The following HYAL4 variants were observed in gnomAD, a reference collection of about 807,000 sequenced individuals.
The protein encoded by HYAL4 is hyaluronidase-4.
Under a neutral mutation model 35.2 loss-of-function variants are expected in HYAL4, and 37 were observed. The ratio of observed to expected loss-of-function variants is 1.05; its 90% CI spans 0.81 to 1.38. The LOEUF is 1.38. HYAL4 is among the 40% of genes most tolerant of loss of function. HYAL4 has a pLI of 0.00. For synonymous variants in HYAL4, 198 were observed against 203.2 expected (o/e 0.97, Z 0.22); for missense variants, 572 against 572.4 (o/e 1.00, Z 0.01).
chr7:123,798,702 ATGTT>A, the HYAL4 span, among the ~76,000 whole-genome samples: 1 of 152,160 alleles, frequency 6.6e-6, no homozygotes, highest in Non-Finnish European at 1.5e-5. Context: ...GACTAATAGA[ATGTT>A]TGTGGATATA....
the HYAL4 span, among the ~76,000 whole-genome samples, chr7:123,768,842 C>T: frequency 3.3e-5 from 5 of 151,982 alleles, no homozygotes; most frequent in Non-Finnish European, 5.9e-5. Flanking sequence ...CCATTGGTTA[C>T]TTTTTTTTGC....
At chr7:123,769,809 T>G in the HYAL4 span, among the ~76,000 whole-genome samples, 2 of 142,386 alleles carry the variant, frequency 1.4e-5, no homozygotes, top group Non-Finnish European at 3.0e-5. Context: ...AATCTGTAAG[T>G]GAAAGAGACT....
chr7:123,850,724 C>T (rs563016740), intron 2 of HYAL4, among the ~76,000 whole-genome samples: 15 of 152,238 alleles, frequency 9.9e-5, no homozygotes, highest in Middle Eastern at 3.4e-3. Flanking sequence ...TCTCATTCTT[C>T]GAGGAGCAAT....
chr7:123,837,580 A>G (rs990829290), intron 1 of HYAL4, among the ~76,000 whole-genome samples: 1 of 151,960 alleles, frequency 6.6e-6, no homozygotes, highest in African/African-American at 2.4e-5. Flanking sequence ...CAACGTGCAA[A>G]TTAGTTACAT....
At chr7:123,864,067 G>C (rs1806635656) in intron 2 of HYAL4, among the ~76,000 whole-genome samples, 2 of 152,122 alleles carry the variant, frequency 1.3e-5, no homozygotes, top group African/African-American at 4.8e-5. Context: ...ACCTGAAATA[G>C]GCCCTGTCTG....
At chr7:123,825,622 A>G (rs528409509), upstream of HYAL4, among the ~76,000 whole-genome samples, 4 of 152,260 alleles carry the variant, frequency 2.6e-5, no homozygotes, top group Admixed American at 1.3e-4. Flanking sequence ...AGGGCTGACT[A>G]TGCCCCAAGA....
upstream of HYAL4, among the ~76,000 whole-genome samples, chr7:123,827,436 G>A (rs528132762): frequency 7.9e-5 from 12 of 152,124 alleles, no homozygotes; most frequent in Admixed American, 2.6e-4. Flanking sequence ...TTGCTTTTTC[G>A]TCCTTCCTCT....
chr7:123,855,555 G>GC (rs1251771913), intron 2 of HYAL4, among the ~76,000 whole-genome samples: 1 of 152,124 alleles, frequency 6.6e-6, no homozygotes, highest in African/African-American at 2.4e-5. Flanking sequence ...TAGGGTTTCT[G>GC]CCAAGAGATC....
chr7:123,787,795 C>A, the HYAL4 span, among the ~76,000 whole-genome samples: 1 of 152,122 alleles, frequency 6.6e-6, no homozygotes, highest in East Asian at 1.9e-4. Context: ...GCAGTGACAG[C>A]AAACTTCATC....
At chr7:123,799,399 G>A in the HYAL4 span, among the ~76,000 whole-genome samples, 1 of 147,548 alleles carries the variant, frequency 6.8e-6, no homozygotes, top group African/African-American at 2.5e-5. Flanking sequence ...TACTATGGAA[G>A]GTATTTTATA....
chr7:123,856,270 G>T (rs1421777832), intron 2 of HYAL4, among the ~76,000 whole-genome samples: 2 of 151,888 alleles, frequency 1.3e-5, no homozygotes, highest in Non-Finnish European at 2.9e-5. Flanking sequence ...TACTTTGGAG[G>T]CATTTTGGTT....
upstream of HYAL4, among the ~76,000 whole-genome samples, chr7:123,828,427 TACACACACAC>T (rs34327472): frequency 2.0e-4 from 28 of 141,412 alleles, no homozygotes; most frequent in South Asian, 7.1e-4. Context: ...TGTTCATAAT[TACACACACAC>T]ACACACACAC....
At chr7:123,802,788 T>A in the HYAL4 span, among the ~76,000 whole-genome samples, 9 of 152,170 alleles carry the variant, frequency 5.9e-5, no homozygotes, top group Non-Finnish European at 1.3e-4. Flanking sequence ...CTTAATAATT[T>A]TAAAAAGATG....
At chr7:123,792,710 A>T in the HYAL4 span, among the ~76,000 whole-genome samples, 1 of 152,080 alleles carries the variant, frequency 6.6e-6, no homozygotes, top group Admixed American at 6.5e-5. Context: ...TCCCTCTCTG[A>T]CTGGTAGGAA....
At chr7:123,838,467 A>C (rs555164509) in intron 1 of HYAL4, among the ~76,000 whole-genome samples, 6 of 152,154 alleles carry the variant, frequency 3.9e-5, no homozygotes, top group African/African-American at 1.4e-4. Context: ...AAATGGTTCT[A>C]CCATTATACT....
At chr7:123,774,226 A>G in the HYAL4 span, among the ~76,000 whole-genome samples, 1 of 152,048 alleles carries the variant, frequency 6.6e-6, no homozygotes, top group Non-Finnish European at 1.5e-5. Flanking sequence ...TTCTAGAGAC[A>G]TGGGGTTTTG....
At chr7:123,803,935 C>T in the HYAL4 span, among the ~76,000 whole-genome samples, 1 of 152,202 alleles carries the variant, frequency 6.6e-6, no homozygotes, top group African/African-American at 2.4e-5. Flanking sequence ...TTTTAAACCA[C>T]ATTTGATAGC....
At chr7:123,811,237 A>G in the HYAL4 span, among the ~76,000 whole-genome samples, 2 of 152,332 alleles carry the variant, frequency 1.3e-5, no homozygotes, top group South Asian at 4.1e-4. Context: ...GTATGGTAAG[A>G]GTATATGTAA....
the HYAL4 span, among the ~76,000 whole-genome samples, chr7:123,786,151 AAG>A: frequency 6.6e-6 from 1 of 152,204 alleles, no homozygotes; most frequent in African/African-American, 2.4e-5. Context: ...GCTTCCAACT[AAG>A]TGGTCACATT....
Sources: gnomAD v4.1 joint callset for allele counts (sites outside exome capture counted in the v4.1 genomes callset) on GRCh38, gnomAD v4.1.1 for gene constraint, MANE v1.5 for transcripts, NCBI Gene and HGNC (gene_info 2026-07-23, HGNC 2026-07-21) for gene names.